Variants in ANKRD31 observed in about 807,000 individuals in gnomAD.
The protein encoded by ANKRD31 is ankyrin repeat domain 31, also known as ankyrin repeat domain-containing protein 31.
ANKRD31 carries 147 observed loss-of-function variants against 186.0 expected under a neutral mutation model. The ratio of observed to expected loss-of-function variants is 0.79; its 90% CI spans 0.69 to 0.91. The LOEUF (loss-of-function observed/expected upper bound fraction) is 0.91. ANKRD31 is among the 40% of genes least tolerant of loss of function. The pLI is 0.00. For synonymous variants in ANKRD31, 673 were observed against 736.4 expected (o/e 0.91, Z 1.39); for missense variants, 1,986 against 2,148.8 (o/e 0.92, Z 1.50).
intron 2 of ANKRD31, among the ~76,000 whole-genome samples, chr5:75,224,265 A>G (rs1439190648): frequency 6.6e-6 from 1 of 151,024 alleles, no homozygotes; most frequent in Non-Finnish European, 1.5e-5. Flanking sequence ...GTAAATTGGA[A>G]GAACACTGTG....
chr5:75,215,457 C>G (rs1185199231), intron 3 of ANKRD31, among the ~76,000 whole-genome samples: 1 of 152,154 alleles, frequency 6.6e-6, no homozygotes, highest in Non-Finnish European at 1.5e-5. Flanking sequence ...AGGCATATCA[C>G]TAAACTCTCC....
intron 22 of ANKRD31, among the ~76,000 whole-genome samples, chr5:75,104,018 A>T (rs1747124713): frequency 6.6e-6 from 1 of 152,208 alleles, no homozygotes; most frequent in African/African-American, 2.4e-5. Flanking sequence ...AATTAAAATT[A>T]AAAAAAGGAA....
Position 75,185,320 on chromosome 5 carries a change from G to A in ANKRD31, c.1564+3173C>T, listed in dbSNP as rs185361327. Among the ~76,000 whole-genome samples, 958 of 152,286 alleles carry A rather than the reference G, an allele frequency of 6.3e-3. 6 individuals carry two copies. The highest frequency in any genetic ancestry group is 0.029 in the South Asian group (139 of 4,810). On this transcript the variant is annotated intron_variant, in intron 10 of 25. Coordinates refer to ENST00000506364, the MANE Select transcript of ANKRD31 (RefSeq NM_001372053.1). ...CACACCTGTAATCCCAGAACTTTGG[G>A]AGGCTGAGGCAGGTGGATCACAAGG...
intron 22 of ANKRD31, among the ~76,000 whole-genome samples, chr5:75,096,535 T>G (rs1417400050): frequency 6.6e-6 from 1 of 152,182 alleles, no homozygotes; most frequent in Admixed American, 6.5e-5. Context: ...ATTTGTCAAT[T>G]TTTGCTTTTG....
intron 3 of ANKRD31, among the ~76,000 whole-genome samples, chr5:75,220,238 C>A (rs1252608390): frequency 2.6e-5 from 4 of 152,098 alleles, no homozygotes; most frequent in African/African-American, 9.7e-5. Context: ...TAACAGGCAA[C>A]CTATGGAATG....
At chr5:75,170,898 T>C (rs1002525563) in intron 10 of ANKRD31, among the ~76,000 whole-genome samples, 2 of 152,128 alleles carry the variant, frequency 1.3e-5, no homozygotes, top group Non-Finnish European at 2.9e-5. Context: ...AGACATTTCA[T>C]GGTGATGAAA....
Position 75,144,162 on chromosome 5 carries a change from A to C in ANKRD31, c.3434T>G (p.Leu1145Ter). The C allele has an allele frequency of 5.0e-6, 2 of 397,118 alleles. No homozygotes were observed. Among genetic ancestry groups the C allele is most frequent in the Non-Finnish European group, 4.4e-6 (1 of 225,086 alleles). 24.6% of individuals were successfully genotyped at this position (397,118 alleles called of 1,614,324 possible). ...KEISHKPDEE[L>*]TNNISGDEIT... The stretch of plus-strand genomic sequence containing the variant: ...TTCATCTCCACTGATGTTATTAGTT[A>C]ATTCCTCATCTGAAACAAACATTTT... Residue 1145 changes from leucine (L) to a stop codon, truncating the protein, a stop_gained, in exon 15 of 26, where the codon TTA (leucine) becomes TGA (stop). Coordinates refer to ENST00000506364, the MANE Select transcript of ANKRD31 (RefSeq NM_001372053.1). LOFTEE classifies it high-confidence loss of function.
chr5:75,163,657 T>C (rs1268299269), intron 11 of ANKRD31, among the ~76,000 whole-genome samples: 1 of 152,240 alleles, frequency 6.6e-6, no homozygotes, highest in Non-Finnish European at 1.5e-5. Context: ...ATGCTCAACC[T>C]GGACTTGAAA....
chr5:75,221,513 T>C (rs1346928351), intron 3 of ANKRD31, among the ~76,000 whole-genome samples: 2 of 152,310 alleles, frequency 1.3e-5, no homozygotes, highest in East Asian at 3.9e-4. Context: ...ATGAAAATCA[T>C]AATTATTACA....
intron 4 of ANKRD31, among the ~76,000 whole-genome samples, chr5:75,210,565 C>A (rs959626073): frequency 1.3e-5 from 2 of 152,024 alleles, no homozygotes; most frequent in Non-Finnish European, 2.9e-5. Flanking sequence ...TATTTGCAGC[C>A]CCTTCATAAA....
At chr5:75,131,516 T>G (rs1028862694) in intron 17 of ANKRD31, among the ~76,000 whole-genome samples, 1 of 152,006 alleles carries the variant, frequency 6.6e-6, no homozygotes, top group Non-Finnish European at 1.5e-5. Context: ...GCGGGGAGGC[T>G]CAAAATTGGT....
At chr5:75,131,695 A>G (rs1226704107) in intron 17 of ANKRD31, among the ~76,000 whole-genome samples, 3 of 152,214 alleles carry the variant, frequency 2.0e-5, no homozygotes. Context: ...AGATCTGAGA[A>G]CGGACAGACT....
chr5:75,146,428 C>T lies in ANKRD31; in HGVS notation c.2983G>A (p.Gly995Arg), dbSNP rs1751443966. 6.5e-7 allele frequency: 1 copy of T among 1,536,314 alleles called. No homozygotes were observed. Among genetic ancestry groups the T allele is most frequent in the Non-Finnish European group, 8.7e-7 (1 of 1,146,474 alleles). Residue 995 changes from glycine to arginine, a missense_variant, in exon 14 of 26, where the codon GGA becomes AGA. Transcript: ENST00000506364. ...HVANYEQCIF[G>R]PSFDHSNGNP... ...CCATTTGAGTGATCAAAAGAAGGTC[C>T]AAATATGCATTGTTCATAATTTGCA...
At chr5:75,203,752 C>T (rs942247383) in intron 5 of ANKRD31, among the ~76,000 whole-genome samples, 1 of 151,670 alleles carries the variant, frequency 6.6e-6, no homozygotes, top group Admixed American at 6.6e-5. Flanking sequence ...ATCCATGACA[C>T]CTCTGTCTCA....
chr5:75,091,138 G>T, intron 23 of ANKRD31, 123 bp downstream of exon 23: 1 of 1,093,408 alleles, frequency 9.1e-7, no homozygotes. Flanking sequence ...TATACAGAAT[G>T]AACACATGAA....
Position 75,195,748 on chromosome 5 carries a change from C to T in ANKRD31, c.900G>A (p.Lys300=). ...CTTTTCTGTGACAGATGGTTTCCAC[C>T]TTGGCTTCTGACAATGTGTTCAGGG... The part of the protein sequence containing the change: ...LEALNTLSEA[K]VETICHRKEG... Residue 300 remains lysine (K), a synonymous_variant, in exon 7 of 26, where the codon AAG becomes AAA. Transcript: ENST00000506364. The T allele has an allele frequency of 6.5e-7, 1 of 1,537,500 alleles. No individual in the cohort carries two copies. Among genetic ancestry groups the T allele is most frequent in the Non-Finnish European group, 8.7e-7 (1 of 1,146,902 alleles).
rs557683543 is a variant in ANKRD31, at chr5:75,225,428, G to A, written c.179-3070C>T. ...CCCCAAGGACTTTTTGTTGACCAAG[G>A]AGTCAATACTAAGAACAATGACCAT... On this transcript the variant is annotated intron_variant, in intron 2 of 25. Coordinates refer to ENST00000506364, the MANE Select transcript of ANKRD31 (RefSeq NM_001372053.1). 4 of 163,006 alleles carry A rather than the reference G, an allele frequency of 2.5e-5. No homozygotes were observed. The East Asian group carries it at 5.6e-4, about 23-fold the overall frequency. The allele number at this position is 163,006 out of a possible 1,614,324, so 10.1% of individuals were successfully genotyped here.
chr5:75,211,425 T>C (rs1756639594), intron 3 of ANKRD31, among the ~76,000 whole-genome samples: 1 of 152,234 alleles, frequency 6.6e-6, no homozygotes, highest in Non-Finnish European at 1.5e-5. Flanking sequence ...TTTTTGGCTA[T>C]GGAGAATAAT....
Position 75,104,789 on chromosome 5 carries a change from T to A in ANKRD31, c.4770A>T (p.Lys1590Asn). 2.0e-6 allele frequency: 3 copies of A among 1,537,218 alleles called. No individual in the cohort carries two copies. Among genetic ancestry groups the A allele is most frequent in the Non-Finnish European group, 2.6e-6 (3 of 1,146,892 alleles). Reference sequence around the variant, plus strand: ...TCTCTGTGCCATCTGAATGTCTGGATTTTGGAAAACCATCCAAGGTACAAT... The same window carrying A: ...TCTCTGTGCCATCTGAATGTCTGGAATTTGGAAAACCATCCAAGGTACAAT... ...GSDCTLDGFP[K>N]SRHSDGTEKN... is the part of the protein sequence containing the mutation. Residue 1590 changes from lysine to asparagine, a missense_variant, in exon 22 of 26, where the codon AAA becomes AAT. By Grantham distance (94) the Lys-to-Asn change is moderately conservative. Coordinates refer to ENST00000506364, the MANE Select transcript of ANKRD31 (RefSeq NM_001372053.1).
Sources: gnomAD v4.1 joint callset for allele counts (sites outside exome capture counted in the v4.1 genomes callset) on GRCh38, gnomAD v4.1.1 for gene constraint, MANE v1.5 for transcripts, NCBI Gene and HGNC (gene_info 2026-07-23, HGNC 2026-07-21) for gene names.